The following UBE2E1 variants were observed in gnomAD, a reference collection of about 807,000 sequenced individuals.
UBE2E1 encodes the protein ubiquitin conjugating enzyme E2 E1.
UBE2E1 carries 6 observed loss-of-function variants against 21.4 expected under a neutral mutation model. The ratio of observed to expected loss-of-function variants is 0.28; its 90% CI spans 0.15 to 0.55. The LOEUF (loss-of-function observed/expected upper bound fraction) is 0.55, where lower values mean the gene tolerates loss of function less well. Among genes scored for constraint, UBE2E1 ranks in the 20% least tolerant of loss-of-function variants. The pLI is 0.93. For missense variants in UBE2E1, 142 were observed against 236.5 expected (o/e 0.60, Z 2.62); for synonymous variants, 87 against 82.7 (o/e 1.05, Z -0.28).
At chr3:23,846,910 A>G (rs958789673) in intron 3 of UBE2E1, among the ~76,000 whole-genome samples, 1 of 152,068 alleles carries the variant, frequency 6.6e-6, no homozygotes, top group African/African-American at 2.4e-5. Flanking sequence ...AGATGAATAA[A>G]TAGCTGCTAT....
chr3:23,834,442 T>G (rs1699935270), intron 3 of UBE2E1, among the ~76,000 whole-genome samples: 1 of 152,324 alleles, frequency 6.6e-6, no homozygotes, highest in African/African-American at 2.4e-5. Flanking sequence ...TCACATAACC[T>G]CTGTAGCATG....
chr3:23,877,127 G>A (rs1700933228), intron 3 of UBE2E1, among the ~76,000 whole-genome samples: 1 of 152,122 alleles, frequency 6.6e-6, no homozygotes, highest in Admixed American at 6.5e-5. Flanking sequence ...ACATTGATAG[G>A]GTCTGAGGTG....
intron 3 of UBE2E1, among the ~76,000 whole-genome samples, chr3:23,884,958 C>T (rs980563497): frequency 1.3e-5 from 2 of 152,196 alleles, no homozygotes; most frequent in African/African-American, 4.8e-5. Context: ...AACTGCACTC[C>T]AGGTGTCATA....
At chr3:23,813,216 T>C (rs1305220073) in intron 3 of UBE2E1, among the ~76,000 whole-genome samples, 1 of 152,208 alleles carries the variant, frequency 6.6e-6, no homozygotes, top group Non-Finnish European at 1.5e-5. Flanking sequence ...AAGCTCAAAA[T>C]ACTAAATTTT....
At chr3:23,834,070 GAAAT>G (rs1250337101) in intron 3 of UBE2E1, among the ~76,000 whole-genome samples, 2 of 152,100 alleles carry the variant, frequency 1.3e-5, no homozygotes, top group Non-Finnish European at 2.9e-5. Flanking sequence ...TAAATAAAAA[GAAAT>G]AAAATAAAAC....
chr3:23,807,580 T>C (rs1377004486), intron 2 of UBE2E1, 159 bp downstream of exon 2: 2 of 848,800 alleles, frequency 2.4e-6, no homozygotes, highest in Non-Finnish European at 3.3e-6. Flanking sequence ...ATTTTCTCTA[T>C]TGCTGCTTCT....
At chr3:23,811,053 CA>C in intron 2 of UBE2E1, 1 of 205,976 alleles carries the variant, frequency 4.9e-6, no homozygotes, top group Non-Finnish European at 9.9e-6. Flanking sequence ...GTGAAAGGGG[CA>C]AGGGAGGCTG....
At chr3:23,862,355 T>A (rs867160641) in intron 3 of UBE2E1, among the ~76,000 whole-genome samples, 1 of 152,162 alleles carries the variant, frequency 6.6e-6, no homozygotes, top group African/African-American at 2.4e-5. Context: ...CCCTTTCCCC[T>A]GAAAAAAACG....
chr3:23,861,410 G>A lies in UBE2E1; in HGVS notation c.204-26157G>A, dbSNP rs528445762. On this transcript the variant is annotated intron_variant, in intron 3 of 5. Transcript: ENST00000306627. ...TTTTCTGTTACCTCACTCCTGATAC[G>A]GAAGGGAGACAGGGAAGTGCTGGGA... 2.3e-3 allele frequency among the ~76,000 whole-genome samples: 356 copies of A among 152,242 alleles called. 4 individuals carry two copies. Among genetic ancestry groups the A allele is most frequent in the African/African-American group, 4.1e-3 (171 of 41,520 alleles).
intron 3 of UBE2E1, among the ~76,000 whole-genome samples, chr3:23,837,998 T>C (rs1416235294): frequency 1.3e-5 from 2 of 148,946 alleles, no homozygotes; most frequent in Non-Finnish European, 3.0e-5. Flanking sequence ...TTGGTTAGTA[T>C]CTAATAAGTG....
chr3:23,862,227 T>C lies in UBE2E1; in HGVS notation c.204-25340T>C, dbSNP rs145577627. Among the ~76,000 whole-genome samples, 1,229 of 152,360 alleles carry C rather than the reference T, an allele frequency of 8.1e-3. 18 individuals carry two copies. Among genetic ancestry groups the C allele is most frequent in the African/African-American group, 0.028 (1,180 of 41,584 alleles). On this transcript the variant is annotated intron_variant, in intron 3 of 5. Transcript: ENST00000306627. ...GCAAAGCTATTAAAATCTGAATTGC[T>C]TAGCAGGCATGTAAGGTCCTCTCTG...
rs55941535 is a variant in UBE2E1, at chr3:23,842,198, GGTGTGTGTGTGTGTGTGTGT to G, written c.203+30720_203+30739del. On this transcript the variant is annotated intron_variant, in intron 3 of 5. Transcript: ENST00000306627. The surrounding 1 kb of genome is among the most constrained non-coding windows in gnomAD (Gnocchi z 4.6). ...TATGTCATGACCCAGTAAGTGAAGGGGTGTGTGTGTGTGTGTGTGTGTGTGTGTGTGTGTGTGTGTGTGTG... is the reference window on the plus strand; with the variant it reads ...TATGTCATGACCCAGTAAGTGAAGGGGTGTGTGTGTGTGTGTGTGTGTGTG... Among the ~76,000 whole-genome samples the G allele has an allele frequency of 1.9e-5, 2 of 104,284 alleles. No homozygotes were observed. The highest frequency in any genetic ancestry group is 2.0e-5 in the Non-Finnish European group (1 of 50,894). The allele number at this position is 104,284 out of a possible 152,430, so 68.4% of individuals were successfully genotyped here.
At chr3:23,843,484 A>G (rs1300210244) in intron 3 of UBE2E1, among the ~76,000 whole-genome samples, 1 of 152,232 alleles carries the variant, frequency 6.6e-6, no homozygotes, top group African/African-American at 2.4e-5. Context: ...TGCTGTTAGA[A>G]TATAGTGGCA....
At chr3:23,838,327 A>G (rs943192317) in intron 3 of UBE2E1, among the ~76,000 whole-genome samples, 1 of 152,138 alleles carries the variant, frequency 6.6e-6, no homozygotes. Context: ...TAGGCCTTCC[A>G]AAGTGCTGGG....
At chr3:23,817,496 ACATG>A (rs1699554849) in intron 3 of UBE2E1, among the ~76,000 whole-genome samples, 1 of 152,136 alleles carries the variant, frequency 6.6e-6, no homozygotes, top group Admixed American at 6.5e-5. Flanking sequence ...AGATGTTAAG[ACATG>A]CACACACATA....
intron 3 of UBE2E1, among the ~76,000 whole-genome samples, chr3:23,882,975 G>A: frequency 6.6e-6 from 1 of 152,190 alleles, no homozygotes. Flanking sequence ...GCACAGAGAG[G>A]GGCTCCCACA....
At chr3:23,861,850 C>T (rs555512644) in intron 3 of UBE2E1, among the ~76,000 whole-genome samples, 41 of 152,332 alleles carry the variant, frequency 2.7e-4, no homozygotes, top group African/African-American at 9.9e-4. Context: ...CTCAATAAAA[C>T]CTCGCACTCA....
In UBE2E1 at chr3:23,810,310, T is replaced by C. The variant is rs1211855451; in HGVS notation, c.153-1150T>C. ...TAAACTGTCGTATTAATTGATGCTC[T>C]AAGTGCCTAGGTAAGCAAAAGACAA... On this transcript the variant is annotated intron_variant, in intron 2 of 5. Coordinates refer to ENST00000306627, the MANE Select transcript of UBE2E1 (RefSeq NM_003341.5). The surrounding 1 kb of genome is among the most constrained non-coding windows in gnomAD (Gnocchi z 5.8). The C allele has an allele frequency of 5.9e-6, 5 of 841,132 alleles. No individual in the cohort carries two copies. Among genetic ancestry groups the C allele is most frequent in the Non-Finnish European group, 9.5e-6 (5 of 528,780 alleles). 52.1% of individuals were successfully genotyped at this position (841,132 alleles called of 1,614,324 possible).
chr3:23,882,139 G>A (rs1701058896), intron 3 of UBE2E1, among the ~76,000 whole-genome samples: 1 of 152,216 alleles, frequency 6.6e-6, no homozygotes, highest in Admixed American at 6.5e-5. Flanking sequence ...TGAGCAGGTT[G>A]CCACTGCTGG....
Sources: allele counts gnomAD v4.1 joint callset (sites outside exome capture counted in the v4.1 genomes callset), GRCh38; gene constraint gnomAD v4.1.1; non-coding constraint Gnocchi (gnomAD v3.1); transcripts MANE v1.5; gene names NCBI Gene and HGNC (gene_info 2026-07-23, HGNC 2026-07-21).